Variants in GLIS3 observed in about 807,000 individuals in gnomAD.
GLIS3 encodes the protein zinc finger protein GLIS3.
Under a neutral mutation model 78.6 loss-of-function variants are expected in GLIS3, and 53 were observed. The observed-to-expected ratio is 0.67, with a 90% CI of 0.54 to 0.85. The LOEUF is 0.85. GLIS3 is among the 40% of genes least tolerant of loss of function. GLIS3 has a pLI of 0.00. For missense variants in GLIS3, 1,703 were observed against 1,231.1 expected, an observed-to-expected ratio of 1.38 and a Z score of -5.74; for synonymous variants, 684 against 509.9, an observed-to-expected ratio of 1.34 and a Z score of -4.60.
upstream of GLIS3, among the ~76,000 whole-genome samples, chr9:4,351,632 G>A (rs761601486): frequency 2.0e-5 from 3 of 152,152 alleles, no homozygotes; most frequent in Non-Finnish European, 2.9e-5. Context: ...TATGTAGTTC[G>A]GTAATGATGA....
chr9:4,055,024 G>T (rs1383124329), intron 4 of GLIS3, among the ~76,000 whole-genome samples: 1 of 149,532 alleles, frequency 6.7e-6, no homozygotes, highest in Non-Finnish European at 1.5e-5. Context: ...TCATGATTAT[G>T]GTACTTGATT....
rs576096319 is a variant in GLIS3 at position 4,218,430 on chromosome 9, C to T, written c.388+67608G>A. On this transcript the variant is annotated intron_variant, in intron 2 of 10. Transcript: ENST00000381971. Reference sequence around the variant, plus strand: ...AGTAGCTGGGACTACAGGCACCCGCCACCACACTCGACTAATTTTTTGTAT... The same window carrying T: ...AGTAGCTGGGACTACAGGCACCCGCTACCACACTCGACTAATTTTTTGTAT... 1.6e-4 allele frequency among the ~76,000 whole-genome samples: 25 copies of T among 152,350 alleles called. 1 individual carries two copies. In the East Asian group the frequency reaches 3.9e-3, roughly 24 times the overall value.
intron 2 of GLIS3, among the ~76,000 whole-genome samples, chr9:4,135,671 G>T (rs1399262900): frequency 6.6e-6 from 1 of 152,180 alleles, no homozygotes; most frequent in Non-Finnish European, 1.5e-5. Context: ...GCAAGGCATA[G>T]TATCAATCCA....
chr9:4,062,726 G>C (rs777944444), intron 4 of GLIS3, among the ~76,000 whole-genome samples: 2 of 152,270 alleles, frequency 1.3e-5, no homozygotes, highest in South Asian at 2.1e-4. Flanking sequence ...AGGAGATTGA[G>C]ACCATCCTGG....
intron 2 of GLIS3, among the ~76,000 whole-genome samples, chr9:4,259,005 G>A (rs1825246518): frequency 6.6e-6 from 1 of 152,010 alleles, no homozygotes; most frequent in African/African-American, 2.4e-5. Context: ...CTCCAGAAAC[G>A]CCAATGGACC....
the GLIS3 span, among the ~76,000 whole-genome samples, chr9:4,470,774 A>T: frequency 4.6e-5 from 7 of 150,758 alleles, no homozygotes; most frequent in South Asian, 1.5e-3. Flanking sequence ...CAGGAGAAGG[A>T]AATAAAGGGT....
chr9:3,847,680 C>G lies in GLIS3; in HGVS notation c.2473+8329G>C, dbSNP rs1485788731. Among the ~76,000 whole-genome samples, 3 of 152,198 alleles carry G rather than the reference C, an allele frequency of 2.0e-5. No individual in the cohort carries two copies. In the South Asian group the frequency reaches 6.2e-4, roughly 32 times the overall value. On this transcript the variant is annotated intron_variant, in intron 9 of 10. Transcript: ENST00000381971. ...CTGGTTCACATGACCATCTCACACC[C>G]CTTCCACAAAACTCAGCATGTTGAA...
At chr9:3,875,551 T>G (rs1370101577) in intron 8 of GLIS3, 1 of 152,172 alleles carries the variant, frequency 6.6e-6, no homozygotes, top group Non-Finnish European at 1.5e-5. Flanking sequence ...TTAAGAAAAC[T>G]GCCGGAGTTT....
chr9:4,258,927 A>G (rs1825239323), intron 2 of GLIS3, among the ~76,000 whole-genome samples: 1 of 152,134 alleles, frequency 6.6e-6, no homozygotes, highest in Middle Eastern at 3.2e-3. Context: ...TTCCAATCGT[A>G]TTTATAAACA....
the GLIS3 span, among the ~76,000 whole-genome samples, chr9:4,487,762 C>T: frequency 1.3e-5 from 2 of 151,884 alleles, no homozygotes; most frequent in Non-Finnish European, 1.5e-5. Flanking sequence ...ATTATAGCTC[C>T]CTGCAACCTC....
At chr9:4,367,877 A>G in the GLIS3 span, among the ~76,000 whole-genome samples, 2 of 152,194 alleles carry the variant, frequency 1.3e-5, no homozygotes, top group African/African-American at 2.4e-5. Context: ...CATTTAATAC[A>G]ACGAGGGAAA....
At chr9:4,307,192 G>C (rs546420787) in intron 4 of GLIS3, among the ~76,000 whole-genome samples, 28 of 152,196 alleles carry the variant, frequency 1.8e-4, no homozygotes, top group African/African-American at 6.0e-4. Flanking sequence ...GGTGAGAGGA[G>C]GACGCAGCCT....
rs562826334 is a variant in GLIS3, at chr9:4,312,859, C to G, written n.265-2331G>C. ...AGGAAAAGCTAACATTTTTCAGGTG[C>G]TTACTCAGGCCAGGCATGTTACATA... On this transcript the variant is annotated intron_variant and non_coding_transcript_variant, in intron 2 of 4. Transcript: ENST00000471664. 1.3e-3 allele frequency among the ~76,000 whole-genome samples: 198 copies of G among 152,336 alleles called. 1 individual carries two copies. The highest frequency in any genetic ancestry group is 2.0e-3 in the Non-Finnish European group (138 of 68,034).
intron 4 of GLIS3, among the ~76,000 whole-genome samples, chr9:4,059,015 G>A (rs1009453245): frequency 6.6e-5 from 10 of 151,846 alleles, no homozygotes; most frequent in African/African-American, 2.4e-4. Context: ...AAAAGAAAAG[G>A]CCTCACACCT....
chr9:4,340,182 G>A lies in GLIS3; in HGVS notation n.264+6899C>T, dbSNP rs1255134750. Among the ~76,000 whole-genome samples, 4 of 150,928 alleles carry A rather than the reference G, an allele frequency of 2.7e-5. 1 individual carries two copies. On this transcript the variant is annotated intron_variant and non_coding_transcript_variant, in intron 2 of 4. Transcript: ENST00000471664. ...CTTTTAATATTTTCTTTCTTACATG[G>A]CCAACTTTTAATTACCACAGGGGAA...
At chr9:4,320,613 C>G (rs1817509938) in intron 2 of GLIS3, among the ~76,000 whole-genome samples, 1 of 152,050 alleles carries the variant, frequency 6.6e-6, no homozygotes, top group Non-Finnish European at 1.5e-5. Flanking sequence ...CTACCAATAC[C>G]ACCATTACCA....
the GLIS3 span, among the ~76,000 whole-genome samples, chr9:4,404,668 C>G: frequency 2.1e-4 from 32 of 152,142 alleles, no homozygotes; most frequent in East Asian, 6.2e-3. Context: ...TTTCTTGAAA[C>G]AAATGATAAC....
At chr9:4,387,321 T>G in the GLIS3 span, among the ~76,000 whole-genome samples, 1 of 152,148 alleles carries the variant, frequency 6.6e-6, no homozygotes, top group Non-Finnish European at 1.5e-5. Context: ...CCCCTTTTTT[T>G]GGTCAGGTTC....
At chr9:4,180,008 C>G (rs1817160831) in intron 2 of GLIS3, among the ~76,000 whole-genome samples, 1 of 152,154 alleles carries the variant, frequency 6.6e-6, no homozygotes, top group Non-Finnish European at 1.5e-5. Context: ...CCTGCATCAC[C>G]TTCTTGGATC....
Sources: gnomAD v4.1 joint callset for allele counts (sites outside exome capture counted in the v4.1 genomes callset) on GRCh38, gnomAD v4.1.1 for gene constraint, MANE v1.5 for transcripts, NCBI Gene and HGNC (gene_info 2026-07-23, HGNC 2026-07-21) for gene names.